The following IFT22 variants were observed in gnomAD, a reference collection of about 807,000 sequenced individuals.
IFT22 encodes the protein intraflagellar transport 22.
IFT22 carries 13 observed loss-of-function variants against 21.0 expected under a neutral mutation model. The observed-to-expected ratio is 0.62, with a 90% CI of 0.40 to 0.98. The LOEUF is 0.98. Among genes scored for constraint, IFT22 ranks in the 50% least tolerant of loss-of-function variants. IFT22 has a pLI of 0.00. For missense variants in IFT22, 227 were observed against 228.9 expected (o/e 0.99, Z 0.06); for synonymous variants, 67 against 82.4 (o/e 0.81, Z 1.01).
Position 101,315,122 on chromosome 7 carries a change from G to A in IFT22, c.*12C>T. Reference sequence around the variant, plus strand: ...TTTCACTGGGGATGTGGCAGTCCCAGGTGAAGGCTGGCTAGGTCATAATTG... The same window carrying A: ...TTTCACTGGGGATGTGGCAGTCCCAAGTGAAGGCTGGCTAGGTCATAATTG... On this transcript the variant is annotated 3_prime_UTR_variant, in exon 5 of 5. Transcript: ENST00000315322. 1 of 1,610,956 alleles carries A rather than the reference G, an allele frequency of 6.2e-7. No homozygotes were observed. Among genetic ancestry groups the A allele is most frequent in the South Asian group, 1.1e-5 (1 of 90,862 alleles).
At chr7:101,316,849 A>G (rs35594069) in intron 3 of IFT22, among the ~76,000 whole-genome samples, 23,309 of 152,018 alleles carry the variant, frequency 0.15, 1,876 homozygotes, top group South Asian at 0.16. Context: ...GCGTGAACCC[A>G]GGAGGCAGAG....
chr7:101,315,948 C>A, intron 4 of IFT22: 1 of 191,300 alleles, frequency 5.2e-6, no homozygotes, highest in Non-Finnish European at 1.1e-5. Flanking sequence ...ACCTTGGCCT[C>A]CCAAAGTGTT....
rs748084706 is a variant in IFT22 at position 101,321,666 on chromosome 7, C to G, written c.39+5G>C. The G allele has an allele frequency of 3.3e-5, 53 of 1,600,404 alleles. No individual in the cohort carries two copies. The highest frequency in any genetic ancestry group is 4.3e-5 in the Non-Finnish European group (51 of 1,173,770). On this transcript the variant is annotated splice_donor_5th_base_variant and intron_variant, in intron 1 of 4. Transcript: ENST00000315322. ...CTCCCTCTGCCGCGCCGGGCCAGGA[C>G]TTACCTCGCAAGGCCCCACGAAGAG...
rs138544006 is a variant in IFT22 at position 101,315,516 on chromosome 7, C to T, written c.410-234G>A. The T allele has an allele frequency of 6.5e-4, 349 of 538,798 alleles. 3 individuals carry two copies. In the Admixed American group the frequency reaches 0.01, roughly 16 times the overall value. 33.4% of individuals were successfully genotyped at this position (538,798 alleles called of 1,614,324 possible). A position where few individuals can be genotyped will look rare whatever the true frequency, so the allele number is the denominator to read the frequency against. ...CTTAAACCAGAAAGGAATAGATTCT[C>T]TATTATTCTCATTTTGTTTCTGAAT... On this transcript the variant is annotated intron_variant, in intron 4 of 4. Transcript: ENST00000315322.
chr7:101,319,057 G>A, intron 1 of IFT22, 25 bp from the exon 2 acceptor site: 1 of 1,612,290 alleles, frequency 6.2e-7, no homozygotes, highest in Non-Finnish European at 8.5e-7. Flanking sequence ...GCAAATAAAG[G>A]TCTTTGCTGA....
chr7:101,320,293 C>T lies in IFT22; in HGVS notation c.40-1261G>A, dbSNP rs1447623625. On this transcript the variant is annotated intron_variant, in intron 1 of 4. Coordinates refer to ENST00000315322, the MANE Select transcript of IFT22 (RefSeq NM_022777.4). ...TTTTAATTATTATTAGTTTTTGAGACGGAGTCTCGCTCTGTCTCCCAGGCT... is the reference window on the plus strand; with the variant it reads ...TTTTAATTATTATTAGTTTTTGAGATGGAGTCTCGCTCTGTCTCCCAGGCT... Among the ~76,000 whole-genome samples the T allele has an allele frequency of 5.6e-5, 8 of 143,892 alleles. No individual in the cohort carries two copies. In the East Asian group the frequency reaches 1.1e-3, roughly 19 times the overall value. 94.4% of individuals were successfully genotyped at this position (143,892 alleles called of 152,430 possible).
intron 1 of IFT22, among the ~76,000 whole-genome samples, chr7:101,320,586 C>G (rs1790312348): frequency 7.5e-6 from 1 of 132,670 alleles, no homozygotes; most frequent in Non-Finnish European, 1.5e-5. Context: ...TTTTTAAACG[C>G]ATTTAGCCTT....
Position 101,316,354 on chromosome 7 carries a change from C to T in IFT22, c.395G>A (p.Gly132Glu). ...AGTTTCCTTACACAAAGACAGGCTT[C>T]CTTTATCATCTCCAGAGCCTGGTTT... ...HHKPGSGDDK[G>E]SLSLSPPLNK... is the part of the protein sequence containing the mutation. Residue 132 changes from glycine (G) to glutamate (E), a missense_variant, in exon 4 of 5, where the codon GGA becomes GAA. Physicochemically the swap from Gly to Glu is moderately conservative, Grantham distance 98 (BLOSUM62 -2). Coordinates refer to ENST00000315322, the MANE Select transcript of IFT22 (RefSeq NM_022777.4). 2 of 1,614,122 alleles carry T rather than the reference C, an allele frequency of 1.2e-6. No homozygotes were observed. Among genetic ancestry groups the T allele is most frequent in the Non-Finnish European group, 1.7e-6 (2 of 1,180,028 alleles).
chr7:101,316,609 AAGAATATCTT>A (rs1790162607), intron 3 of IFT22, 67 bp from the exon 4 acceptor site: 2 of 1,521,020 alleles, frequency 1.3e-6, no homozygotes, highest in African/African-American at 1.4e-5. Context: ...GGACTTTAAA[AAGAATATCTT>A]AGTATTAAAA....
At position 101,311,459 on chromosome 7, in the gene IFT22, G is replaced by C. The variant is rs1004627446; in HGVS notation, c.*3675C>G. Among the ~76,000 whole-genome samples the C allele has an allele frequency of 3.9e-5, 6 of 152,210 alleles. No individual in the cohort carries two copies. Among genetic ancestry groups the C allele is most frequent in the Admixed American group, 3.9e-4 (6 of 15,266 alleles). ...CGCATGGTAATCCTAACAGGTGAAT[G>C]TGGTTCAAACTAAATTGCCAGGGAA... On this transcript the variant is annotated 3_prime_UTR_variant, in exon 5 of 5. Coordinates refer to ENST00000315322, the MANE Select transcript of IFT22 (RefSeq NM_022777.4).
Position 101,312,106 on chromosome 7 carries a change from TTA to T in IFT22, c.*3026_*3027del, listed in dbSNP as rs1789993616. ...CCAATTTGGTGTTATGAAAAATTTT[TTA>T]GAGGTTGTGTATGGGCTGGGCACAA... On this transcript the variant is annotated 3_prime_UTR_variant, in exon 5 of 5. Coordinates refer to ENST00000315322, the MANE Select transcript of IFT22 (RefSeq NM_022777.4). 6.6e-6 allele frequency among the ~76,000 whole-genome samples: 1 copy of T among 151,984 alleles called. No individual in the cohort carries two copies. Among genetic ancestry groups the T allele is most frequent in the Non-Finnish European group, 1.5e-5 (1 of 67,964 alleles).
At position 101,315,000 on chromosome 7, in the gene IFT22, C is replaced by A; in HGVS notation, c.*134G>T. On this transcript the variant is annotated 3_prime_UTR_variant, in exon 5 of 5. Coordinates refer to ENST00000315322, the MANE Select transcript of IFT22 (RefSeq NM_022777.4). ...GAGTGAACGCCCTGTGTGACAGGTG[C>A]CTTCCTGCAGGTAGGAACACTTCCT... The A allele has an allele frequency of 1.1e-6, 1 of 926,062 alleles. No individual in the cohort carries two copies. The highest frequency in any genetic ancestry group is 1.6e-6 in the Non-Finnish European group (1 of 626,228). The allele number at this position is 926,062 out of a possible 1,614,324, so 57.4% of individuals were successfully genotyped here. A position where few individuals can be genotyped will look rare whatever the true frequency, so the allele number is the denominator to read the frequency against.
rs1191885566 is a variant in IFT22 at position 101,313,723 on chromosome 7, T to A, written c.*1411A>T. 2 of 152,186 alleles carry A rather than the reference T, an allele frequency of 1.3e-5. No homozygotes were observed. Among genetic ancestry groups the A allele is most frequent in the Non-Finnish European group, 2.9e-5 (2 of 68,042 alleles). 9.4% of individuals were successfully genotyped at this position (152,186 alleles called of 1,614,324 possible). The stretch of plus-strand genomic sequence containing the variant: ...GGGGTTACAAACATATTTTAGTGAG[T>A]AGGCAAATTCTCAAATACAAAATCT... On this transcript the variant is annotated 3_prime_UTR_variant, in exon 5 of 5. Transcript: ENST00000315322.
intron 3 of IFT22, among the ~76,000 whole-genome samples, chr7:101,316,910 C>T (rs574815275): frequency 6.6e-5 from 10 of 151,406 alleles, no homozygotes; most frequent in African/African-American, 2.2e-4. Flanking sequence ...GGTGACAGAG[C>T]GAGACTCTGT....
Position 101,316,284 on chromosome 7 carries a change from T to C in IFT22, c.409+56A>G, listed in dbSNP as rs761980337. Reference sequence around the variant, plus strand: ...CTGGTTTCTAGGACATGGGACAATATGTAGGTGTCCAAAACATTCAAGACA... The same window carrying C: ...CTGGTTTCTAGGACATGGGACAATACGTAGGTGTCCAAAACATTCAAGACA... On this transcript the variant is annotated intron_variant, in intron 4 of 4. Coordinates refer to ENST00000315322, the MANE Select transcript of IFT22 (RefSeq NM_022777.4). 2.6e-6 allele frequency: 4 copies of C among 1,524,948 alleles called. No individual in the cohort carries two copies. The Admixed American group carries it at 6.7e-5, about 25-fold the overall frequency. The allele number at this position is 1,524,948 out of a possible 1,614,324, so 94.5% of individuals were successfully genotyped here. A position where few individuals can be genotyped will look rare whatever the true frequency, so the allele number is the denominator to read the frequency against.
intron 1 of IFT22, 145 bp downstream of exon 1, chr7:101,321,526 G>A (rs1562935596): frequency 5.3e-6 from 4 of 752,440 alleles, no homozygotes; most frequent in Non-Finnish European, 4.3e-6. Context: ...CACGGAAAGG[G>A]CAGGGGCGCC....
Position 101,318,205 on chromosome 7 carries a change from T to C in IFT22, c.125A>G (p.Glu42Gly), listed in dbSNP as rs755317692. The C allele has an allele frequency of 3.1e-6, 5 of 1,612,834 alleles. No individual in the cohort carries two copies. Among genetic ancestry groups the C allele is most frequent in the Admixed American group, 1.7e-5 (1 of 59,976 alleles). Reference sequence around the variant, plus strand: ...GCTGGTAACATGCGGGTTCTCAAATTCTAGGATCCTAAAAGGAAAAAGAAG... The same window carrying C: ...GCTGGTAACATGCGGGTTCTCAAATCCTAGGATCCTAAAAGGAAAAAGAAG... Reference protein sequence around the residue: ...YSPTQGVRILEFENPHVTSNN... With the variant: ...YSPTQGVRILGFENPHVTSNN... The change falls in exon 3 of 5, where the codon GAA becomes GGA. Residue 42 changes from glutamate (E) to glycine (G), a missense_variant. By Grantham distance (98) the Glu-to-Gly change is moderately conservative. Transcript: ENST00000315322.
At chr7:101,320,484 C>T (rs1274472212) in intron 1 of IFT22, among the ~76,000 whole-genome samples, 5 of 150,724 alleles carry the variant, frequency 3.3e-5, no homozygotes, top group Non-Finnish European at 5.9e-5. Context: ...TGGTCTCGAT[C>T]TCCTGACCTT....
At chr7:101,321,607 C>T in intron 1 of IFT22, 64 bp downstream of exon 1, 2 of 1,526,358 alleles carry the variant, frequency 1.3e-6, no homozygotes, top group Non-Finnish European at 1.8e-6. Flanking sequence ...GGGTGGGGAC[C>T]TGCGCTCGCC....
Sources: gnomAD v4.1 joint callset for allele counts (sites outside exome capture counted in the v4.1 genomes callset) on GRCh38, gnomAD v4.1.1 for gene constraint, MANE v1.5 for transcripts, NCBI Gene and HGNC (gene_info 2026-07-23, HGNC 2026-07-21) for gene names.